Variants in ENOX1 observed in about 807,000 individuals in gnomAD.
The protein encoded by ENOX1 is ecto-NOX disulfide-thiol exchanger 1.
In ENOX1, 42 loss-of-function variants were observed where a neutral mutation model predicts 82.5. That is an observed-to-expected ratio of 0.51 (90% CI 0.40 to 0.66). The LOEUF is 0.66. ENOX1 is among the 30% of genes least tolerant of loss of function. The pLI is 0.00. For synonymous variants in ENOX1, 271 were observed against 282.2 expected, an observed-to-expected ratio of 0.96 and a Z score of 0.40; for missense variants, 608 against 811.6, an observed-to-expected ratio of 0.75 and a Z score of 3.05.
intron 1 of ENOX1, among the ~76,000 whole-genome samples, chr13:43,743,060 C>G (rs1949833069): frequency 6.6e-6 from 1 of 152,088 alleles, no homozygotes; most frequent in Non-Finnish European, 1.5e-5. Context: ...TGTTTATTCA[C>G]TGAAAAGAGA....
At chr13:43,511,864 T>C (rs2077381237) in intron 2 of ENOX1, among the ~76,000 whole-genome samples, 1 of 152,128 alleles carries the variant, frequency 6.6e-6, no homozygotes, top group Non-Finnish European at 1.5e-5. Context: ...ATATTTCCTT[T>C]CCTTTCCACA....
intron 8 of ENOX1, among the ~76,000 whole-genome samples, chr13:43,350,259 T>C (rs765095606): frequency 1.1e-4 from 17 of 152,234 alleles, no homozygotes; most frequent in Non-Finnish European, 2.2e-4. Flanking sequence ...CATTGGCACA[T>C]GTTCATTTTA....
chr13:43,738,954 G>C (rs934925754), intron 1 of ENOX1, among the ~76,000 whole-genome samples: 2 of 152,048 alleles, frequency 1.3e-5, no homozygotes, highest in Admixed American at 6.5e-5. Flanking sequence ...ATGGCTTAGC[G>C]GGGTTGCCCT....
chr13:43,489,079 T>C (rs2076530325), intron 2 of ENOX1, among the ~76,000 whole-genome samples: 3 of 152,252 alleles, frequency 2.0e-5, no homozygotes, highest in African/African-American at 2.4e-5. Flanking sequence ...GAGATTAGTA[T>C]GGATAGAAGA....
At chr13:43,538,370 T>C (rs112475956) in intron 2 of ENOX1, among the ~76,000 whole-genome samples, 2,045 of 152,296 alleles carry the variant, frequency 0.013, 46 homozygotes, top group African/African-American at 0.047. Flanking sequence ...TACACATATA[T>C]AAATTATTGT....
Position 43,684,803 on chromosome 13 carries a change from A to C in ENOX1, c.-284-17259T>G, listed in dbSNP as rs555830721. Among the ~76,000 whole-genome samples the C allele has an allele frequency of 8.5e-5, 13 of 152,324 alleles. 1 individual carries two copies. In the South Asian group the frequency reaches 2.1e-3, roughly 24 times the overall value. On this transcript the variant is annotated intron_variant, in intron 1 of 16. Coordinates refer to ENST00000690772, the MANE Select transcript of ENOX1 (RefSeq NM_001347969.2). ...ATAGTAGCCATAGTCAACCATAGACAGCGAAAGTTGTGTCTCTTTACAGAT... is the reference window on the plus strand; with the variant it reads ...ATAGTAGCCATAGTCAACCATAGACCGCGAAAGTTGTGTCTCTTTACAGAT...
At chr13:43,521,570 T>C (rs561224519) in intron 2 of ENOX1, among the ~76,000 whole-genome samples, 1 of 152,268 alleles carries the variant, frequency 6.6e-6, no homozygotes, top group South Asian at 2.1e-4. Flanking sequence ...CAAAGTAATT[T>C]TGTTACTGAG....
intron 2 of ENOX1, among the ~76,000 whole-genome samples, chr13:43,495,181 T>C (rs2153664256): frequency 6.6e-6 from 1 of 152,326 alleles, no homozygotes; most frequent in Non-Finnish European, 1.5e-5. Flanking sequence ...CTATCTCTAA[T>C]TTATTGTTCA....
chr13:43,577,338 G>C (rs1217341621), intron 2 of ENOX1, among the ~76,000 whole-genome samples: 1 of 152,054 alleles, frequency 6.6e-6, no homozygotes, highest in Non-Finnish European at 1.5e-5. Flanking sequence ...CGCCATGTTG[G>C]CCAGGCTGAT....
intron 1 of ENOX1, among the ~76,000 whole-genome samples, chr13:43,710,488 C>A (rs1345857430): frequency 1.3e-5 from 2 of 152,124 alleles, no homozygotes; most frequent in East Asian, 3.8e-4. Context: ...GCAAAATGTA[C>A]AGCAAGCACT....
At chr13:43,628,117 C>T (rs1197575641) in intron 2 of ENOX1, among the ~76,000 whole-genome samples, 1 of 152,048 alleles carries the variant, frequency 6.6e-6, no homozygotes, top group African/African-American at 2.4e-5. Context: ...TCCTCAGCTT[C>T]TTGAATCTGT....
In ENOX1 at chr13:43,333,056, C is replaced by T. The variant is rs540035674; in HGVS notation, c.1037-6531G>A. ...TACACAAAGGTGCTAATATTATATA[C>T]GCTATTCTGTACCTTGGTTTTTTCA... On this transcript the variant is annotated intron_variant, in intron 9 of 16. Coordinates refer to ENST00000690772, the MANE Select transcript of ENOX1 (RefSeq NM_001347969.2). Among the ~76,000 whole-genome samples the T allele has an allele frequency of 1.1e-4, 17 of 152,266 alleles. 4 individuals are homozygous for T. The highest frequency in any genetic ancestry group is 7.3e-5 in the Non-Finnish European group (5 of 68,032).
chr13:43,535,170 G>A (rs1451305599), intron 2 of ENOX1, among the ~76,000 whole-genome samples: 2 of 152,170 alleles, frequency 1.3e-5, no homozygotes, highest in African/African-American at 4.8e-5. Flanking sequence ...GTGAGTAGAG[G>A]TTAGCTGCTG....
At chr13:43,330,079 C>T (rs1259965835) in intron 9 of ENOX1, among the ~76,000 whole-genome samples, 1 of 152,202 alleles carries the variant, frequency 6.6e-6, no homozygotes, top group Non-Finnish European at 1.5e-5. Flanking sequence ...GCAGGAAACA[C>T]CAGAGAGGAA....
At chr13:43,710,514 CT>C (rs1273606680) in intron 1 of ENOX1, among the ~76,000 whole-genome samples, 1 of 152,094 alleles carries the variant, frequency 6.6e-6, no homozygotes, top group African/African-American at 2.4e-5. Flanking sequence ...AATTGAAAAA[CT>C]TTAGACACAT....
At chr13:43,692,759 A>T (rs988034989) in intron 1 of ENOX1, among the ~76,000 whole-genome samples, 4 of 152,210 alleles carry the variant, frequency 2.6e-5, no homozygotes, top group Non-Finnish European at 4.4e-5. Flanking sequence ...CAAAGATTTT[A>T]AAAAATACTC....
chr13:43,454,841 ATTT>A (rs3044064), intron 3 of ENOX1, among the ~76,000 whole-genome samples: 60,162 of 142,952 alleles, frequency 0.42, 12,785 homozygotes, highest in Non-Finnish European at 0.51. Context: ...TATTGAAACC[ATTT>A]TTTTTTTTTT....
chr13:43,341,033 T>A lies in ENOX1; in HGVS notation c.1036+3505A>T, dbSNP rs181240981. Among the ~76,000 whole-genome samples the A allele has an allele frequency of 2.6e-4, 40 of 152,204 alleles. No individual in the cohort carries two copies. The East Asian group carries it at 7.4e-3, about 28-fold the overall frequency. ...ATTCAGTGGGCTGGGCACAGTGGCT[T>A]ACACCTGTAATCCCAGCACTTTGGG... On this transcript the variant is annotated intron_variant, in intron 9 of 16. Transcript: ENST00000690772.
Position 43,298,402 on chromosome 13 carries a change from G to T in ENOX1, c.1390C>A (p.Leu464Ile), listed in dbSNP as rs768155656. Reference protein sequence around the residue: ...KEQLFRTEENLTKDQQLQFLQ... With the variant: ...KEQLFRTEENITKDQQLQFLQ... Reference sequence around the variant, plus strand: ...AACTGCAGTTGCTGGTCCTTGGTGAGGTTTTCTTCTGTTCGGAAAAGCTGT... The same window carrying T: ...AACTGCAGTTGCTGGTCCTTGGTGATGTTTTCTTCTGTTCGGAAAAGCTGT... The change falls in exon 12 of 17, where the codon CTC becomes ATC. Residue 464 changes from leucine (L) to isoleucine (I), a missense_variant. Coordinates refer to ENST00000690772, the MANE Select transcript of ENOX1 (RefSeq NM_001347969.2). The T allele has an allele frequency of 4.3e-6, 7 of 1,613,546 alleles. No individual in the cohort carries two copies. In the African/African-American group the frequency reaches 6.7e-5, roughly 15 times the overall value.
Sources: gnomAD v4.1 joint callset for allele counts (sites outside exome capture counted in the v4.1 genomes callset) on GRCh38, gnomAD v4.1.1 for gene constraint, MANE v1.5 for transcripts, NCBI Gene and HGNC (gene_info 2026-07-23, HGNC 2026-07-21) for gene names.